Variants in ANGPT4 observed in about 807,000 individuals in gnomAD.
ANGPT4 encodes the protein angiopoietin-4.
A neutral mutation model predicts 53.0 loss-of-function variants in ANGPT4; 50 were observed. The ratio of observed to expected loss-of-function variants is 0.94; its 90% CI spans 0.75 to 1.20. The LOEUF (loss-of-function observed/expected upper bound fraction) is 1.20, where lower values mean the gene tolerates loss of function less well. Ranked by LOEUF, ANGPT4 falls within the 50% of genes most tolerant of loss-of-function variation. The probability of loss-of-function intolerance (pLI) is 0.00; values close to 1 mark genes in which losing one functional copy is unlikely to be tolerated. For missense variants in ANGPT4, 648 were observed against 637.1 expected (o/e 1.02, Z -0.18); for synonymous variants, 251 against 259.7 (o/e 0.97, Z 0.32).
intron 1 of ANGPT4, among the ~76,000 whole-genome samples, chr20:893,639 T>C (rs1981932371): frequency 6.6e-6 from 1 of 152,082 alleles, no homozygotes; most frequent in Non-Finnish European, 1.5e-5. Flanking sequence ...TCGCCATCTC[T>C]GCATGGTTTC....
intron 1 of ANGPT4, among the ~76,000 whole-genome samples, chr20:903,409 C>T (rs549496295): frequency 7.2e-5 from 11 of 152,270 alleles, no homozygotes; most frequent in African/African-American, 2.6e-4. Flanking sequence ...CACTTCCACC[C>T]CAGTCCCAGC....
intron 1 of ANGPT4, among the ~76,000 whole-genome samples, chr20:904,215 C>T (rs913561943): frequency 1.3e-5 from 2 of 152,188 alleles, no homozygotes; most frequent in African/African-American, 2.4e-5. Context: ...TCCCTACAGG[C>T]CACTGAGGGA....
Position 878,212 on chromosome 20 carries a change from G to C in ANGPT4, c.1169C>G (p.Ala390Gly), listed in dbSNP as rs750776952. The C allele has an allele frequency of 6.2e-7, 1 of 1,612,246 alleles. No individual in the cohort carries two copies. ...VELQDWEGHE[A>G]YAQYEHFHLG... Reference sequence around the variant, plus strand: ...GTGGAAATGTTCGTACTGGGCATAGGCCTCGTGGCCTTCCCAGTCTTGCAG... The same window carrying C: ...GTGGAAATGTTCGTACTGGGCATAGCCCTCGTGGCCTTCCCAGTCTTGCAG... Residue 390 changes from alanine (A) to glycine (G), a missense_variant, in exon 7 of 9, where the codon GCC becomes GGC. Transcript: ENST00000381922.
chr20:873,817 CT>C lies in ANGPT4; in HGVS notation c.1351+466del, dbSNP rs1306624866. Among the ~76,000 whole-genome samples the C allele has an allele frequency of 9.2e-5, 14 of 152,166 alleles. No homozygotes were observed. The East Asian group carries it at 1.3e-3, about 15-fold the overall frequency. The stretch of plus-strand genomic sequence containing the variant: ...TCTGTGTCTCAGAAGGTCTCTCCCC[CT>C]GTCTCTGTTCTTCTTACTTTGTCTC... On this transcript the variant is annotated intron_variant, in intron 8 of 8. Coordinates refer to ENST00000381922, the MANE Select transcript of ANGPT4 (RefSeq NM_015985.4).
intron 7 of ANGPT4, 33 bp downstream of exon 7, chr20:878,128 C>T (rs776472487): frequency 1.9e-6 from 3 of 1,567,400 alleles, no homozygotes; most frequent in Admixed American, 3.4e-5. Flanking sequence ...CTGAAGACCC[C>T]AGCCCCCACA....
At chr20:893,328 G>A (rs374540646) in intron 1 of ANGPT4, among the ~76,000 whole-genome samples, 200 of 152,276 alleles carry the variant, frequency 1.3e-3, no homozygotes, top group African/African-American at 4.3e-3. Context: ...TACTCACCGG[G>A]ACTTTGGAAT....
chr20:896,547 A>G (rs1982059429), intron 1 of ANGPT4, among the ~76,000 whole-genome samples: 1 of 152,204 alleles, frequency 6.6e-6, no homozygotes, highest in Non-Finnish European at 1.5e-5. Context: ...GATGGTAACA[A>G]TGATATGCCC....
intron 8 of ANGPT4, among the ~76,000 whole-genome samples, chr20:873,950 C>A (rs1466794005): frequency 6.6e-6 from 1 of 152,312 alleles, no homozygotes; most frequent in African/African-American, 2.4e-5. Context: ...CCTCTGGTCT[C>A]CTGATCCTGG....
rs974366515 is a variant in ANGPT4 at position 872,908 on chromosome 20, G to A, written c.*52C>T. On this transcript the variant is annotated 3_prime_UTR_variant, in exon 9 of 9. Coordinates refer to ENST00000381922, the MANE Select transcript of ANGPT4 (RefSeq NM_015985.4). ...GCATCTGGGTCCAGGTTGTCCAGGA[G>A]TGCCAAGTCCGAGCTTCTCCTGTGT... is the stretch of plus-strand genomic sequence containing the variant. 1.9e-6 allele frequency: 3 copies of A among 1,605,556 alleles called. No individual in the cohort carries two copies. In the Admixed American group the frequency reaches 5.0e-5, roughly 27 times the overall value.
At chr20:898,470 C>T (rs1408707082) in intron 1 of ANGPT4, among the ~76,000 whole-genome samples, 1 of 152,216 alleles carries the variant, frequency 6.6e-6, no homozygotes, top group East Asian at 1.9e-4. Context: ...CCGTTCATGG[C>T]CCACTTAGCA....
rs1387325472 is a variant in ANGPT4 at position 873,137 on chromosome 20, G to C, written c.1352-17C>G. The C allele has an allele frequency of 6.2e-7, 1 of 1,612,614 alleles. No individual in the cohort carries two copies. The highest frequency in any genetic ancestry group is 2.2e-5 in the East Asian group (1 of 44,852). On this transcript the variant is annotated splice_polypyrimidine_tract_variant and intron_variant, in intron 8 of 8. Coordinates refer to ENST00000381922, the MANE Select transcript of ANGPT4 (RefSeq NM_015985.4). ...ACCACCACCCTGGTGGAAGAGGGAG[G>C]ACAGGCGCTTGGTGGAGGTGGGAGC...
At position 878,093 on chromosome 20, in the gene ANGPT4, C is replaced by T. The variant is rs1568824089; in HGVS notation, c.1220+68G>A. On this transcript the variant is annotated intron_variant, in intron 7 of 8. Transcript: ENST00000381922. ...TGGAGCAGACTCTGTAGACACTAGC[C>T]TGGGGACCCCAGCCCGCCCACTAGC... 27 of 1,516,128 alleles carry T rather than the reference C, an allele frequency of 1.8e-5. No individual in the cohort carries two copies. The South Asian group carries it at 3.4e-4, about 19-fold the overall frequency. 93.9% of individuals were successfully genotyped at this position (1,516,128 alleles called of 1,614,324 possible).
chr20:916,282 T>C lies in ANGPT4; in HGVS notation c.-68A>G. The C allele has an allele frequency of 6.5e-7, 1 of 1,527,994 alleles. No individual in the cohort carries two copies. Among genetic ancestry groups the C allele is most frequent in the South Asian group, 1.2e-5 (1 of 80,284 alleles). 94.7% of individuals were successfully genotyped at this position (1,527,994 alleles called of 1,614,324 possible). A position where few individuals can be genotyped will look rare whatever the true frequency, so the allele number is the denominator to read the frequency against. ...AGGGGCTGTGCCTGGGATGTCCTGCTGCAGCCAACAGTGGCCAGGCTTGCC... is the reference window on the plus strand; with the variant it reads ...AGGGGCTGTGCCTGGGATGTCCTGCCGCAGCCAACAGTGGCCAGGCTTGCC... On this transcript the variant is annotated 5_prime_UTR_variant, in exon 1 of 9. Transcript: ENST00000381922.
At chr20:904,023 G>A (rs1350310103) in intron 1 of ANGPT4, among the ~76,000 whole-genome samples, 8 of 152,172 alleles carry the variant, frequency 5.3e-5, no homozygotes, top group African/African-American at 1.4e-4. Flanking sequence ...TGGTGCAGAC[G>A]TATGAAAATC....
chr20:915,592 C>T (rs770178824), intron 1 of ANGPT4, among the ~76,000 whole-genome samples: 9 of 152,194 alleles, frequency 5.9e-5, no homozygotes, highest in Non-Finnish European at 1.2e-4. Context: ...CCTCTTTCCC[C>T]TACTAGTCCA....
rs1286987483 is a variant in ANGPT4, at chr20:916,140, T to C, written c.75A>G (p.Thr25=). 6.2e-7 allele frequency: 1 copy of C among 1,614,182 alleles called. No homozygotes were observed. The highest frequency in any genetic ancestry group is 1.1e-5 in the South Asian group (1 of 91,084). The stretch of plus-strand genomic sequence containing the variant: ...CGCAGCCCCTATCCGCCTCCTGCCT[T>C]GTCTGTTGAGCCACAGACATGGTGG... ...VVATMSVAQQ[T]RQEADRGCET... The change falls in exon 1 of 9, where the codon ACA becomes ACG. Residue 25 remains threonine, a synonymous_variant. Coordinates refer to ENST00000381922, the MANE Select transcript of ANGPT4 (RefSeq NM_015985.4).
rs147649307 is a variant in ANGPT4 at position 879,799 on chromosome 20, C to T, written c.1001G>A (p.Arg334His). Residue 334 changes from arginine to histidine, a missense_variant, in exon 6 of 9, where the codon CGC (arginine) becomes CAC (histidine). Physicochemically the swap from Arg to His is conservative, Grantham distance 29. Coordinates refer to ENST00000381922, the MANE Select transcript of ANGPT4 (RefSeq NM_015985.4). ...AAAATTCACGGTGCCATTCTCACGG[C>T]GCTGGATGAGGGTCCACCTGCCTCC... Reference protein sequence around the residue: ...SSGGRWTLIQRRENGTVNFQR... With the variant: ...SSGGRWTLIQHRENGTVNFQR... The T allele has an allele frequency of 1.4e-4, 230 of 1,613,754 alleles. No homozygotes were observed. Among genetic ancestry groups the T allele is most frequent in the Admixed American group, 6.3e-4 (38 of 60,000 alleles).
intron 8 of ANGPT4, 80 bp downstream of exon 8, chr20:874,204 C>A: frequency 6.3e-7 from 1 of 1,580,740 alleles, no homozygotes; most frequent in Non-Finnish European, 8.6e-7. Flanking sequence ...CCTGGGCGCA[C>A]AAGAACCTGG....
chr20:913,681 G>A (rs1319367433), intron 1 of ANGPT4, among the ~76,000 whole-genome samples: 1 of 152,254 alleles, frequency 6.6e-6, no homozygotes, highest in Non-Finnish European at 1.5e-5. Context: ...AGAGTGAGAG[G>A]TGAGACTTGG....
Sources: allele counts gnomAD v4.1 joint callset (sites outside exome capture counted in the v4.1 genomes callset), GRCh38; gene constraint gnomAD v4.1.1; transcripts MANE v1.5; gene names NCBI Gene and HGNC (gene_info 2026-07-23, HGNC 2026-07-21).